The following GAD1 variants were observed in gnomAD, a reference collection of about 807,000 sequenced individuals.
The protein encoded by GAD1 is glutamate decarboxylase 1.
In GAD1, 35 loss-of-function variants were observed where a neutral mutation model predicts 75.2. That is an observed-to-expected ratio of 0.47 (90% CI 0.36 to 0.62). The LOEUF is 0.62. Ranked by LOEUF, GAD1 falls within the 20% of genes least tolerant of loss-of-function variation. GAD1 has a pLI of 0.00. For synonymous variants in GAD1, 257 were observed against 271.9 expected (o/e 0.95, Z 0.54); for missense variants, 490 against 758.5 (o/e 0.65, Z 4.16).
chr2:170,856,146 G>A (rs1195652302), intron 14 of GAD1, among the ~76,000 whole-genome samples: 1 of 152,166 alleles, frequency 6.6e-6, no homozygotes, highest in Non-Finnish European at 1.5e-5. Flanking sequence ...TCTCAGTGCT[G>A]GACTTTGCTC....
chr2:170,824,442 G>A lies in GAD1; in HGVS notation c.145+2293G>A, dbSNP rs1701977476. ...ACACCCCTCCCTTCATCCCTGGAGGGATGGACCTGGAGGGTCCCTTCTTGA... is the reference window on the plus strand; with the variant it reads ...ACACCCCTCCCTTCATCCCTGGAGGAATGGACCTGGAGGGTCCCTTCTTGA... On this transcript the variant is annotated intron_variant, in intron 3 of 16. Coordinates refer to ENST00000358196, the MANE Select transcript of GAD1 (RefSeq NM_000817.3). Among the ~76,000 whole-genome samples the A allele has an allele frequency of 2.6e-5, 4 of 151,454 alleles. No individual in the cohort carries two copies. In the South Asian group the frequency reaches 8.4e-4, roughly 32 times the overall value.
At chr2:170,857,171 T>G in intron 15 of GAD1, 46 bp downstream of exon 15, 1 of 1,461,124 alleles carries the variant, frequency 6.8e-7, no homozygotes, top group Non-Finnish European at 9.6e-7. Context: ...CCAGAAAAAC[T>G]GCTGAGGGAA....
chr2:170,841,647 G>A (rs949577770), intron 6 of GAD1, among the ~76,000 whole-genome samples: 2 of 152,228 alleles, frequency 1.3e-5, no homozygotes, highest in African/African-American at 4.8e-5. Context: ...ACATGGCCCA[G>A]GATGGGGCAG....
At chr2:170,829,052 C>T (rs1195515550) in intron 3 of GAD1, 2 of 316,116 alleles carry the variant, frequency 6.3e-6, no homozygotes, top group Non-Finnish European at 6.1e-6. Context: ...CTCACCTCTC[C>T]TCCTACCTCT....
At chr2:170,845,307 A>G in intron 7 of GAD1, 199 bp from the exon 8 acceptor site, 1 of 641,682 alleles carries the variant, frequency 1.6e-6, no homozygotes, top group Admixed American at 2.3e-5. Context: ...AGCTTTGGTA[A>G]TAAGTGTGAC....
rs536845949 is a variant in GAD1, at chr2:170,818,090, C to G, written c.-63-439C>G. 138 of 170,196 alleles carry G rather than the reference C, an allele frequency of 8.1e-4. No individual in the cohort carries two copies. Among genetic ancestry groups the G allele is most frequent in the East Asian group, 3.8e-3 (22 of 5,786 alleles). The allele number at this position is 170,196 out of a possible 1,614,324, so 10.5% of individuals were successfully genotyped here. A position where few individuals can be genotyped will look rare whatever the true frequency, so the allele number is the denominator to read the frequency against. On this transcript the variant is annotated intron_variant, in intron 1 of 16. Coordinates refer to ENST00000358196, the MANE Select transcript of GAD1 (RefSeq NM_000817.3). The surrounding 1 kb of genome is among the most constrained non-coding windows in gnomAD (Gnocchi z 5.9). The stretch of plus-strand genomic sequence containing the variant: ...ACATGCCCGCCCCGTGCGCCCTCCC[C>G]CCGCTGGCCCACACGCCGGCTGCTG...
chr2:170,852,633 T>C (rs533723281), intron 12 of GAD1, 81 bp from the exon 13 acceptor site: 23 of 1,149,864 alleles, frequency 2.0e-5, no homozygotes, highest in Non-Finnish European at 2.9e-5. Flanking sequence ...TAACTTGAGT[T>C]GGAATGGGTG....
chr2:170,856,984 G>A, intron 14 of GAD1, 34 bp from the exon 15 acceptor site: 1 of 1,557,126 alleles, frequency 6.4e-7, no homozygotes, highest in South Asian at 1.1e-5. Context: ...ACAGGGAAAT[G>A]CAACCACAAA....
Position 170,818,256 on chromosome 2 carries a change from G to C in GAD1, c.-63-273G>C. The C allele has an allele frequency of 5.5e-6, 1 of 181,514 alleles. No individual in the cohort carries two copies. The highest frequency in any genetic ancestry group is 8.0e-5 in the South Asian group (1 of 12,428). The allele number at this position is 181,514 out of a possible 1,614,324, so 11.2% of individuals were successfully genotyped here. The stretch of plus-strand genomic sequence containing the variant: ...CCCGACCCCGACCCCGCCTCGTCTC[G>C]GCGCTTCACTCCAGGTCGCGCCGAT... On this transcript the variant is annotated intron_variant, in intron 1 of 16. Coordinates refer to ENST00000358196, the MANE Select transcript of GAD1 (RefSeq NM_000817.3). This position sits in a 1 kb window ranked among gnomAD's most constrained non-coding sequence, Gnocchi z 5.9.
intron 11 of GAD1, 84 bp downstream of exon 11, chr2:170,847,876 C>G: frequency 1.2e-6 from 1 of 860,296 alleles, no homozygotes; most frequent in Admixed American, 1.7e-5. Context: ...TCTCCCCACG[C>G]CCCAGCCAGC....
intron 5 of GAD1, among the ~76,000 whole-genome samples, chr2:170,833,103 T>C (rs1357319247): frequency 1.3e-5 from 2 of 152,242 alleles, no homozygotes; most frequent in African/African-American, 4.8e-5. Context: ...TTTCTTCTTC[T>C]TTGTCTCTCC....
Position 170,859,820 on chromosome 2 carries a change from G to A in GAD1, c.1723G>A (p.Ala575Thr), listed in dbSNP as rs527691350. Residue 575 changes from alanine (A) to threonine (T), a missense_variant, in exon 17 of 17, where the codon GCT (alanine) becomes ACT (threonine). Ala to Thr is a moderately conservative substitution (Grantham distance 58). Coordinates refer to ENST00000358196, the MANE Select transcript of GAD1 (RefSeq NM_000817.3). ...FFRMVISNPA[A>T]TQSDIDFLIE... ...CCGGATGGTCATCTCCAACCCAGCC[G>A]CTACCCAGTCTGACATTGACTTCCT... is the stretch of plus-strand genomic sequence containing the variant. 23 of 1,614,130 alleles carry A rather than the reference G, an allele frequency of 1.4e-5. No homozygotes were observed. Among genetic ancestry groups the A allele is most frequent in the East Asian group, 4.5e-5 (2 of 44,870 alleles).
At chr2:170,846,742 G>A (rs993936905) in intron 10 of GAD1, among the ~76,000 whole-genome samples, 4 of 152,142 alleles carry the variant, frequency 2.6e-5, no homozygotes, top group African/African-American at 4.8e-5. Context: ...ATGGGGGCTC[G>A]CACCTGTAAT....
Position 170,853,418 on chromosome 2 carries a change from G to T in GAD1, c.1264-455G>T, listed in dbSNP as rs536801707. 3 of 216,268 alleles carry T rather than the reference G, an allele frequency of 1.4e-5. No individual in the cohort carries two copies. Among genetic ancestry groups the T allele is most frequent in the South Asian group, 1.7e-4 (2 of 11,974 alleles). 13.4% of individuals were successfully genotyped at this position (216,268 alleles called of 1,614,324 possible). On this transcript the variant is annotated intron_variant, in intron 13 of 16. Coordinates refer to ENST00000358196, the MANE Select transcript of GAD1 (RefSeq NM_000817.3). The surrounding 1 kb of genome is among the most constrained non-coding windows in gnomAD (Gnocchi z 4.1). ...AGCCAGAATCTGCACAGCGTCTTTA[G>T]TCCACTCATATGTGGAATCCATGTT...
In GAD1 at chr2:170,857,136, A is replaced by G. The variant is rs900436437; in HGVS notation, c.1521+11A>G. On this transcript the variant is annotated intron_variant, in intron 15 of 16. Coordinates refer to ENST00000358196, the MANE Select transcript of GAD1 (RefSeq NM_000817.3). ...GTTTTCAATGGCGAGGTAGGTAATC[A>G]TCATGGACCAGGTACACAGTATTTC... is the stretch of plus-strand genomic sequence containing the variant. The G allele has an allele frequency of 7.5e-6, 12 of 1,592,758 alleles. No homozygotes were observed. In the African/African-American group the frequency reaches 9.4e-5, roughly 12 times the overall value.
At position 170,857,110 on chromosome 2, in the gene GAD1, G is replaced by A. The variant is rs1287408308; in HGVS notation, c.1506G>A (p.Met502Ile). ...AKIKNREEFE[M>I]VFNGEPEHTN... is the part of the protein sequence containing the mutation. ...TTAAAAACAGAGAAGAATTTGAGAT[G>A]GTTTTCAATGGCGAGGTAGGTAATC... Residue 502 changes from methionine (M) to isoleucine (I), a missense_variant, in exon 15 of 17, where the codon ATG (methionine) becomes ATA (isoleucine). Around this residue, in one of 3 missense-constraint regions of GAD1, gnomAD observed 324 missense variants for 523.9 expected, o/e 0.62. Coordinates refer to ENST00000358196, the MANE Select transcript of GAD1 (RefSeq NM_000817.3). 6.2e-7 allele frequency: 1 copy of A among 1,612,966 alleles called. No individual in the cohort carries two copies. The highest frequency in any genetic ancestry group is 1.7e-5 in the Admixed American group (1 of 59,974).
intron 6 of GAD1, among the ~76,000 whole-genome samples, chr2:170,840,617 G>A (rs1012388276): frequency 1.1e-4 from 15 of 137,812 alleles, no homozygotes; most frequent in Admixed American, 5.1e-4. Flanking sequence ...GGAAGGGAGG[G>A]AGGGAGGAAG....
intron 7 of GAD1, 110 bp from the exon 8 acceptor site, chr2:170,845,396 C>A (rs183057771): frequency 9.8e-6 from 9 of 918,898 alleles, no homozygotes; most frequent in African/African-American, 1.6e-5. Flanking sequence ...AGGATATTAT[C>A]CTTTCGCTTC....
chr2:170,833,162 A>G (rs1285370106), intron 5 of GAD1, among the ~76,000 whole-genome samples: 1 of 152,248 alleles, frequency 6.6e-6, no homozygotes, highest in East Asian at 1.9e-4. Context: ...GATAGATTTA[A>G]GACTGAGACT....
Sources: allele counts gnomAD v4.1 joint callset (sites outside exome capture counted in the v4.1 genomes callset), GRCh38; gene constraint gnomAD v4.1.1; regional missense constraint gnomAD v4.1.1; non-coding constraint Gnocchi (gnomAD v3.1); transcripts MANE v1.5; gene names NCBI Gene and HGNC (gene_info 2026-07-23, HGNC 2026-07-21).